The following CALCRL variants were observed in gnomAD, a reference collection of about 807,000 sequenced individuals.
CALCRL encodes the protein calcitonin gene-related peptide type 1 receptor.
A neutral mutation model predicts 60.4 loss-of-function variants in CALCRL; 27 were observed. That is an observed-to-expected ratio of 0.45 (90% confidence interval 0.33 to 0.62). CALCRL has a LOEUF of 0.62. CALCRL is among the 20% of genes least tolerant of loss of function. The pLI is 0.03. For synonymous variants in CALCRL, 190 were observed against 182.6 expected (o/e 1.04, Z -0.33); for missense variants, 424 against 540.7 (o/e 0.78, Z 2.14).
At chr2:187,417,182 A>G (rs2105863106) in intron 1 of CALCRL, among the ~76,000 whole-genome samples, 1 of 152,080 alleles carries the variant, frequency 6.6e-6, no homozygotes, top group East Asian at 1.9e-4. Flanking sequence ...TTTCAAAACT[A>G]ATATATAGAT....
intron 8 of CALCRL, among the ~76,000 whole-genome samples, chr2:187,364,539 G>T (rs779501661): frequency 3.3e-5 from 5 of 151,848 alleles, no homozygotes; most frequent in African/African-American, 4.8e-5. Flanking sequence ...CAAGCCAAAG[G>T]CTTCTATTTT....
At chr2:187,447,884 G>T (rs1188574938) in intron 1 of CALCRL, among the ~76,000 whole-genome samples, 155 bp downstream of exon 1, 1 of 151,870 alleles carries the variant, frequency 6.6e-6, no homozygotes, top group African/African-American at 2.4e-5. Flanking sequence ...TTCATGTTGG[G>T]GTAGTAGGCT....
At chr2:187,444,485 A>C (rs1173518001) in intron 1 of CALCRL, among the ~76,000 whole-genome samples, 2 of 151,638 alleles carry the variant, frequency 1.3e-5, no homozygotes, top group Non-Finnish European at 3.0e-5. Flanking sequence ...CTTGCTTAAC[A>C]TTTCAAAAGT....
At chr2:187,408,883 A>G (rs1457839461) in intron 1 of CALCRL, among the ~76,000 whole-genome samples, 2 of 152,118 alleles carry the variant, frequency 1.3e-5, no homozygotes, top group African/African-American at 2.4e-5. Context: ...TGTGCTTTCT[A>G]TAGTCACATT....
intron 8 of CALCRL, among the ~76,000 whole-genome samples, chr2:187,376,716 T>G (rs1256939218): frequency 6.6e-6 from 1 of 152,148 alleles, no homozygotes; most frequent in Non-Finnish European, 1.5e-5. Context: ...CTAACTTGTT[T>G]GGGACTGTAT....
At chr2:187,403,051 G>T (rs2105828543) in intron 1 of CALCRL, among the ~76,000 whole-genome samples, 1 of 151,758 alleles carries the variant, frequency 6.6e-6, no homozygotes, top group East Asian at 2.0e-4. Context: ...CCCTCACCAA[G>T]AATCCAACCA....
chr2:187,342,008 C>T lies in CALCRL; in HGVS notation c.*4176G>A, dbSNP rs1162184788. Reference sequence around the variant, plus strand: ...TAATAACCAAAAGGTAAAAGCAAAACAAACATATCCATCAACAGACAAATG... The same window carrying T: ...TAATAACCAAAAGGTAAAAGCAAAATAAACATATCCATCAACAGACAAATG... On this transcript the variant is annotated 3_prime_UTR_variant, in exon 15 of 15. Transcript: ENST00000392370. Among the ~76,000 whole-genome samples, 1 of 151,698 alleles carries T rather than the reference C, an allele frequency of 6.6e-6. No homozygotes were observed. The highest frequency in any genetic ancestry group is 1.9e-4 in the East Asian group (1 of 5,176).
intron 1 of CALCRL, among the ~76,000 whole-genome samples, chr2:187,401,830 G>C (rs1688899841): frequency 6.6e-6 from 1 of 151,500 alleles, no homozygotes; most frequent in South Asian, 2.1e-4. Flanking sequence ...TTGAACTTTG[G>C]TTTATTCTTG....
chr2:187,432,057 A>G (rs561427676), intron 1 of CALCRL, among the ~76,000 whole-genome samples: 4 of 152,248 alleles, frequency 2.6e-5, no homozygotes, highest in Admixed American at 6.5e-5. Context: ...AAGAGAGTCA[A>G]TATGGTCATA....
chr2:187,433,267 T>A (rs1049343250), intron 1 of CALCRL, among the ~76,000 whole-genome samples: 1 of 152,072 alleles, frequency 6.6e-6, no homozygotes, highest in Non-Finnish European at 1.5e-5. Context: ...ATTTTTTTTC[T>A]GCATGGTTCT....
chr2:187,380,453 G>A lies in CALCRL; in HGVS notation c.408+14C>T. 2 of 1,452,890 alleles carry A rather than the reference G, an allele frequency of 1.4e-6. No individual in the cohort carries two copies. The highest frequency in any genetic ancestry group is 1.9e-6 in the Non-Finnish European group (2 of 1,034,412). The allele number at this position is 1,452,890 out of a possible 1,614,324, so 90.0% of individuals were successfully genotyped here. On this transcript the variant is annotated intron_variant, in intron 7 of 14. Transcript: ENST00000392370. ...ATACTGTAAGTTAAATTTCAATTCA[G>A]AATTATGACATACCTTCACTTTCTC...
chr2:187,431,549 C>T (rs1340330891), intron 1 of CALCRL, among the ~76,000 whole-genome samples: 1 of 152,022 alleles, frequency 6.6e-6, no homozygotes, highest in Non-Finnish European at 1.5e-5. Context: ...TTGAGGTTGT[C>T]ACCATGCTAA....
At chr2:187,422,197 A>G (rs1038401697) in intron 1 of CALCRL, among the ~76,000 whole-genome samples, 1 of 152,210 alleles carries the variant, frequency 6.6e-6, no homozygotes, top group African/African-American at 2.4e-5. Context: ...GTGTTTCTAG[A>G]AAATAGATAT....
chr2:187,390,933 C>T (rs1688414481), intron 1 of CALCRL, among the ~76,000 whole-genome samples: 1 of 152,152 alleles, frequency 6.6e-6, no homozygotes, highest in South Asian at 2.1e-4. Flanking sequence ...CTTGAGTCAT[C>T]TACTTTGCAA....
At chr2:187,434,913 A>C (rs577136703) in intron 1 of CALCRL, among the ~76,000 whole-genome samples, 6 of 152,282 alleles carry the variant, frequency 3.9e-5, no homozygotes, top group African/African-American at 1.4e-4. Context: ...AAATAAAGTA[A>C]TAGTTTGCCC....
intron 1 of CALCRL, among the ~76,000 whole-genome samples, chr2:187,388,708 A>C (rs1443614821): frequency 6.6e-6 from 1 of 152,128 alleles, no homozygotes; most frequent in Non-Finnish European, 1.5e-5. Flanking sequence ...AATCACTTCT[A>C]TATTTATTAA....
At chr2:187,381,749 C>T (rs1222389928) in intron 5 of CALCRL, among the ~76,000 whole-genome samples, 2 of 152,100 alleles carry the variant, frequency 1.3e-5, no homozygotes, top group Non-Finnish European at 1.5e-5. Flanking sequence ...CCACCACACC[C>T]GGCCCAAAAG....
At chr2:187,404,897 A>G (rs540128581) in intron 1 of CALCRL, among the ~76,000 whole-genome samples, 5 of 151,808 alleles carry the variant, frequency 3.3e-5, no homozygotes, top group South Asian at 4.2e-4. Flanking sequence ...GTACCAGAGG[A>G]AAAAAAAGAT....
intron 1 of CALCRL, among the ~76,000 whole-genome samples, chr2:187,398,977 CCTAA>C (rs1266576066): frequency 6.6e-6 from 1 of 151,466 alleles, no homozygotes; most frequent in Non-Finnish European, 1.5e-5. Context: ...ACGTTTTATG[CCTAA>C]CTGATTTATT....
Sources: gnomAD v4.1 joint callset for allele counts (sites outside exome capture counted in the v4.1 genomes callset) on GRCh38, gnomAD v4.1.1 for gene constraint, MANE v1.5 for transcripts, NCBI Gene and HGNC (gene_info 2026-07-23, HGNC 2026-07-21) for gene names.